The following BTC variants were observed in gnomAD, a reference collection of about 807,000 sequenced individuals.
BTC encodes the protein betacellulin.
A neutral mutation model predicts 18.1 loss-of-function variants in BTC; 13 were observed. That is an observed-to-expected ratio of 0.72 (90% CI 0.47 to 1.14). BTC has a LOEUF of 1.14. Ranked by LOEUF, BTC falls within the 50% of genes most tolerant of loss-of-function variation. BTC has a pLI of 0.00. For synonymous variants in BTC, 83 were observed against 79.4 expected, an observed-to-expected ratio of 1.05 and a Z score of -0.24; for missense variants, 247 against 224.2, an observed-to-expected ratio of 1.10 and a Z score of -0.65.
In BTC at chr4:74,776,172, A is replaced by AT. The variant is rs35241628; in HGVS notation, c.65-6017dup. 5.0e-3 allele frequency among the ~76,000 whole-genome samples: 740 copies of AT among 148,448 alleles called. 4 individuals are homozygous for AT. The highest frequency in any genetic ancestry group is 0.01 in the Middle Eastern group (3 of 290). On this transcript the variant is annotated intron_variant, in intron 1 of 5. Transcript: ENST00000395743. ...CATTGCTATAGCTCTGTTTTGTGGC[A>AT]TTTTTTTTTTACCTTAAGAAAATAG...
intron 2 of BTC, among the ~76,000 whole-genome samples, chr4:74,761,138 A>G (rs1237036528): frequency 9.2e-5 from 14 of 151,854 alleles, no homozygotes; most frequent in African/African-American, 3.1e-4. Flanking sequence ...TTGGAGGAAA[A>G]AAAAAAGAAT....
intron 5 of BTC, among the ~76,000 whole-genome samples, chr4:74,747,332 C>T (rs1553955593): frequency 6.6e-6 from 1 of 152,100 alleles, no homozygotes; most frequent in Non-Finnish European, 1.5e-5. Flanking sequence ...GCTGAAGATC[C>T]GAAGGCGAAA....
In BTC at chr4:74,745,078, A is replaced by T. The variant is rs1452501569; in HGVS notation, c.*1599T>A. 2.6e-5 allele frequency: 4 copies of T among 152,250 alleles called. No homozygotes were observed. The South Asian group carries it at 8.3e-4, about 31-fold the overall frequency. The allele number at this position is 152,250 out of a possible 1,614,324, so 9.4% of individuals were successfully genotyped here. On this transcript the variant is annotated 3_prime_UTR_variant, in exon 6 of 6. Coordinates refer to ENST00000395743, the MANE Select transcript of BTC (RefSeq NM_001729.4). ...CTCCTTTCGTATCGAAGAAGACTAC[A>T]TAAGAGAAAGGGCATGAATGAGCTT...
At chr4:74,774,095 CA>C (rs952609381) in intron 1 of BTC, among the ~76,000 whole-genome samples, 1 of 151,690 alleles carries the variant, frequency 6.6e-6, no homozygotes, top group African/African-American at 2.4e-5. Context: ...TTTACAAAAA[CA>C]AAAAAAGTGT....
At chr4:74,781,396 T>TGTGTGTGTGTGC (rs146276012) in intron 1 of BTC, among the ~76,000 whole-genome samples, 24,520 of 151,006 alleles carry the variant, frequency 0.16, 3,163 homozygotes, top group African/African-American at 0.37. Flanking sequence ...TGTGTGTGTG[T>TGTGTGTGTGTGC]GTGTGTGTGT....
intron 1 of BTC, 132 bp downstream of exon 1, chr4:74,794,129 GT>G (rs1725707387): frequency 1.7e-6 from 2 of 1,183,416 alleles, no homozygotes; most frequent in Admixed American, 4.1e-5. Context: ...AGCCTTCAAA[GT>G]TCTCCAACCC....
At chr4:74,757,690 G>T (rs536299375) in intron 2 of BTC, among the ~76,000 whole-genome samples, 12 of 152,026 alleles carry the variant, frequency 7.9e-5, no homozygotes, top group Admixed American at 6.6e-4. Flanking sequence ...ACAATTAACC[G>T]GTAAAAACAA....
intron 5 of BTC, 56 bp downstream of exon 5, chr4:74,747,984 C>A (rs782738076): frequency 1.4e-4 from 130 of 912,642 alleles, no homozygotes; most frequent in Non-Finnish European, 2.0e-4. Context: ...TAAGCCCAAT[C>A]TAACCAGTTA....
intron 1 of BTC, among the ~76,000 whole-genome samples, chr4:74,783,592 T>C (rs1199840620): frequency 6.7e-6 from 1 of 149,360 alleles, no homozygotes; most frequent in Non-Finnish European, 1.5e-5. Flanking sequence ...CGGCTCTTTT[T>C]TTTTTTTTTT....
intron 1 of BTC, among the ~76,000 whole-genome samples, chr4:74,770,915 ATGTGTGTGTGTGTGTGTGTGTG>A (rs61202126): frequency 7.0e-6 from 1 of 141,886 alleles, no homozygotes; most frequent in African/African-American, 2.5e-5. Flanking sequence ...TATATCGTGT[ATGTGTGTGTGTGTGTGTGTGTG>A]TGTGTGTGTG....
rs1227615862 is a variant in BTC at position 74,765,970 on chromosome 4, A to T, written c.163+4088T>A. On this transcript the variant is annotated intron_variant, in intron 2 of 5. Transcript: ENST00000395743. The stretch of plus-strand genomic sequence containing the variant: ...ACACCTTAGTTATATGGTATAGCTT[A>T]TTGCTCTGAGGCTACAAACCTATAC... 2.0e-5 allele frequency among the ~76,000 whole-genome samples: 3 copies of T among 152,264 alleles called. No individual in the cohort carries two copies. In the East Asian group the frequency reaches 5.8e-4, roughly 29 times the overall value.
chr4:74,769,344 T>C (rs1724981044), intron 2 of BTC, among the ~76,000 whole-genome samples: 1 of 152,198 alleles, frequency 6.6e-6, no homozygotes, highest in Admixed American at 6.5e-5. Flanking sequence ...CAGCAAACTG[T>C]AGTCCAAGGA....
chr4:74,774,571 T>C (rs1725127977), intron 1 of BTC, among the ~76,000 whole-genome samples: 1 of 150,060 alleles, frequency 6.7e-6, no homozygotes, highest in Non-Finnish European at 1.5e-5. Flanking sequence ...AATAAAGTTG[T>C]AGTTAACCAG....
At chr4:74,766,234 ATGT>A (rs1724899592) in intron 2 of BTC, among the ~76,000 whole-genome samples, 1 of 152,048 alleles carries the variant, frequency 6.6e-6, no homozygotes, top group Non-Finnish European at 1.5e-5. Flanking sequence ...GACTTTATAA[ATGT>A]TGTACTCTTA....
intron 2 of BTC, among the ~76,000 whole-genome samples, chr4:74,764,719 A>C (rs895104581): frequency 1.3e-5 from 2 of 152,204 alleles, no homozygotes; most frequent in African/African-American, 4.8e-5. Context: ...AAGAGAAGTA[A>C]TGCAGGAATG....
At chr4:74,781,968 T>C (rs1050442078) in intron 1 of BTC, among the ~76,000 whole-genome samples, 3 of 152,188 alleles carry the variant, frequency 2.0e-5, no homozygotes, top group African/African-American at 7.2e-5. Flanking sequence ...TTTTTTGTAA[T>C]GTCACATAGT....
At chr4:74,782,498 A>C (rs1029538401) in intron 1 of BTC, among the ~76,000 whole-genome samples, 20 of 152,184 alleles carry the variant, frequency 1.3e-4, no homozygotes, top group African/African-American at 4.3e-4. Context: ...TATCCAGTCT[A>C]TCACTGATGG....
chr4:74,788,554 C>T (rs1237645864), intron 1 of BTC, among the ~76,000 whole-genome samples: 1 of 152,176 alleles, frequency 6.6e-6, no homozygotes, highest in Non-Finnish European at 1.5e-5. Flanking sequence ...AGACTTTTCT[C>T]ATTAATGTTT....
chr4:74,772,182 C>T (rs1420648456), intron 1 of BTC, among the ~76,000 whole-genome samples: 1 of 152,116 alleles, frequency 6.6e-6, no homozygotes, highest in Non-Finnish European at 1.5e-5. Context: ...CTTAAGTCAA[C>T]ATTTTTCTTA....
Sources: allele counts gnomAD v4.1 joint callset (sites outside exome capture counted in the v4.1 genomes callset), GRCh38; gene constraint gnomAD v4.1.1; transcripts MANE v1.5; gene names NCBI Gene and HGNC (gene_info 2026-07-23, HGNC 2026-07-21).